BACH1: variants seen among roughly 807,000 people sequenced by gnomAD.
The protein encoded by BACH1 is transcription regulator protein BACH1.
Under a neutral mutation model 52.9 loss-of-function variants are expected in BACH1, and 35 were observed. The ratio of observed to expected loss-of-function variants is 0.66; its 90% CI spans 0.51 to 0.88. The LOEUF (loss-of-function observed/expected upper bound fraction) is 0.88. BACH1 is among the 40% of genes least tolerant of loss of function. The probability of loss-of-function intolerance (pLI) is 0.00; values close to 1 mark genes in which losing one functional copy is unlikely to be tolerated. For missense variants in BACH1, 808 were observed against 872.6 expected (o/e 0.93, Z 0.93); for synonymous variants, 321 against 319.6 (o/e 1.00, Z -0.05).
rs2089166036 is a variant in BACH1, at chr21:29,346,074, C to T, written c.*3241C>T. On this transcript the variant is annotated 3_prime_UTR_variant, in exon 5 of 5. Coordinates refer to ENST00000286800, the MANE Select transcript of BACH1 (RefSeq NM_001186.4). ...CCCTAATGTTCTTACCCAAATGTAC[C>T]TGAACTAAAAAATGTTAGATGTTGG... 6.6e-6 allele frequency: 1 copy of T among 152,332 alleles called. No individual in the cohort carries two copies. Among genetic ancestry groups the T allele is most frequent in the South Asian group, 2.1e-4 (1 of 4,824 alleles). 9.4% of individuals were successfully genotyped at this position (152,332 alleles called of 1,614,324 possible).
chr21:29,314,437 T>A (rs1406648656), intron 1 of BACH1, among the ~76,000 whole-genome samples: 1 of 152,198 alleles, frequency 6.6e-6, no homozygotes, highest in Non-Finnish European at 1.5e-5. Flanking sequence ...GTTTCATAAT[T>A]TCGAATATGG....
chr21:29,329,605 G>A lies in BACH1; in HGVS notation c.1688G>A (p.Arg563Lys), dbSNP rs1307954439. 1.9e-6 allele frequency: 3 copies of A among 1,605,636 alleles called. No homozygotes were observed. Among genetic ancestry groups the A allele is most frequent in the South Asian group, 1.1e-5 (1 of 89,200 alleles). The change falls in exon 4 of 5, where the codon AGA (arginine) becomes AAA (lysine). Residue 563 changes from arginine to lysine, a missense_variant. Coordinates refer to ENST00000286800, the MANE Select transcript of BACH1 (RefSeq NM_001186.4). The part of the protein sequence containing the change: ...EQLDCIHDIR[R>K]RSKNRIAAQR... ...CTGGATTGTATCCATGATATTCGAA[G>A]AAGAAGTAAAAACAGAATTGCTGCA... is the stretch of plus-strand genomic sequence containing the variant.
chr21:29,315,814 A>G (rs928256329), intron 1 of BACH1, among the ~76,000 whole-genome samples: 6 of 152,132 alleles, frequency 3.9e-5, no homozygotes, highest in Admixed American at 3.9e-4. Context: ...TATCTTTTTT[A>G]CTTGAGGCAT....
chr21:29,320,959 T>C (rs989155874), intron 1 of BACH1, among the ~76,000 whole-genome samples: 1 of 152,234 alleles, frequency 6.6e-6, no homozygotes, highest in Non-Finnish European at 1.5e-5. Context: ...CAGTGTGTAA[T>C]GTCTCACTTT....
intron 1 of BACH1, among the ~76,000 whole-genome samples, chr21:29,302,297 T>G (rs1334240697): frequency 6.6e-6 from 1 of 152,196 alleles, no homozygotes; most frequent in Non-Finnish European, 1.5e-5. Flanking sequence ...TTCGCCAGAA[T>G]CCGTGCCCCT....
intron 1 of BACH1, among the ~76,000 whole-genome samples, chr21:29,304,899 A>G (rs943132240): frequency 1.3e-5 from 2 of 152,266 alleles, no homozygotes; most frequent in African/African-American, 4.8e-5. Flanking sequence ...TCCATCAGAC[A>G]GTTTTGTTAT....
At chr21:29,313,889 G>A (rs1271752059) in intron 1 of BACH1, among the ~76,000 whole-genome samples, 1 of 152,120 alleles carries the variant, frequency 6.6e-6, no homozygotes, top group African/African-American at 2.4e-5. Context: ...CTTGGTTGGG[G>A]GGGGTGGTGG....
At chr21:29,300,935 T>G (rs141015903) in intron 1 of BACH1, 9 of 152,362 alleles carry the variant, frequency 5.9e-5, no homozygotes, top group African/African-American at 1.9e-4. Flanking sequence ...TTGTCTTGAT[T>G]ATATGACACC....
At chr21:29,316,832 C>T (rs184516287) in intron 1 of BACH1, among the ~76,000 whole-genome samples, 68 of 152,354 alleles carry the variant, frequency 4.5e-4, no homozygotes, top group African/African-American at 1.6e-3. Context: ...ATGTCTTTGA[C>T]TTCCAGAGGG....
At position 29,329,569 on chromosome 21, in the gene BACH1, C is replaced by A. The variant is rs1438758711; in HGVS notation, c.1652C>A (p.Thr551Asn). ...FQSLLKMHKL[T>N]PEQLDCIHDI... ...TCCTTGTTGAAAATGCACAAGCTTACTCCAGAACAGCTGGATTGTATCCAT... is the reference window on the plus strand; with the variant it reads ...TCCTTGTTGAAAATGCACAAGCTTAATCCAGAACAGCTGGATTGTATCCAT... Residue 551 changes from threonine to asparagine, a missense_variant, in exon 4 of 5, where the codon ACT becomes AAT. Transcript: ENST00000286800. 1.2e-6 allele frequency: 2 copies of A among 1,607,100 alleles called. 1 individual carries two copies. Among genetic ancestry groups the A allele is most frequent in the South Asian group, 2.2e-5 (2 of 89,276 alleles).
At chr21:29,318,146 T>C (rs1488170789) in intron 1 of BACH1, among the ~76,000 whole-genome samples, 1 of 152,208 alleles carries the variant, frequency 6.6e-6, no homozygotes, top group Non-Finnish European at 1.5e-5. Flanking sequence ...GCATAAATAT[T>C]GATATGTGAA....
intron 2 of BACH1, among the ~76,000 whole-genome samples, chr21:29,354,856 G>A (rs1170100738): frequency 6.6e-6 from 1 of 152,176 alleles, no homozygotes; most frequent in Non-Finnish European, 1.5e-5. Context: ...GAGAGGAAAA[G>A]CTTGCCTGAA....
At chr21:29,348,173 G>A (rs1265370882), downstream of BACH1, among the ~76,000 whole-genome samples, 1 of 152,154 alleles carries the variant, frequency 6.6e-6, no homozygotes, top group Non-Finnish European at 1.5e-5. Flanking sequence ...AGTTTTTGAT[G>A]CCTAGGTCCA....
At chr21:29,321,620 G>T in intron 2 of BACH1, 106 bp downstream of exon 2, 1 of 944,284 alleles carries the variant, frequency 1.1e-6, no homozygotes, top group South Asian at 2.0e-5. Flanking sequence ...TGGCTATGGA[G>T]CATTTCCCAG....
chr21:29,359,116 T>C (rs1005220679), intron 2 of BACH1: 3 of 152,084 alleles, frequency 2.0e-5, no homozygotes, highest in African/African-American at 7.2e-5. Flanking sequence ...TATCAAGATG[T>C]CCATCATAGC....
At chr21:29,330,260 G>C (rs2088965068) in intron 4 of BACH1, among the ~76,000 whole-genome samples, 1 of 152,302 alleles carries the variant, frequency 6.6e-6, no homozygotes, top group Non-Finnish European at 1.5e-5. Flanking sequence ...TGCCTGCTGG[G>C]TTCATGCCAT....
intron 1 of BACH1, among the ~76,000 whole-genome samples, chr21:29,320,943 G>GT (rs1347253413): frequency 2.0e-5 from 3 of 152,050 alleles, no homozygotes; most frequent in African/African-American, 7.2e-5. Context: ...AGAGTAGGTG[G>GT]TTACTCAGTG....
rs1005296769 is a variant in BACH1 at position 29,308,030 on chromosome 21, A to G, written c.-61+9077A>G. 7.2e-5 allele frequency among the ~76,000 whole-genome samples: 11 copies of G among 152,342 alleles called. No homozygotes were observed. In the South Asian group the frequency reaches 2.1e-3, roughly 29 times the overall value. ...ATTTAGAAAGACTTGTACTACCAAT[A>G]TAATTTTTGTCTCAGATAAATGCAA... On this transcript the variant is annotated intron_variant, in intron 1 of 4. Transcript: ENST00000286800.
rs2089161337 is a variant in BACH1, at chr21:29,345,637, A to C, written c.*2804A>C. ...GTTTGCTATAGCTTACTGCTTAACT[A>C]ATTTTAAATAAGGAAATAAGTATGT... On this transcript the variant is annotated 3_prime_UTR_variant, in exon 5 of 5. Transcript: ENST00000286800. 6.6e-6 allele frequency: 1 copy of C among 152,602 alleles called. No individual in the cohort carries two copies. Among genetic ancestry groups the C allele is most frequent in the South Asian group, 2.1e-4 (1 of 4,832 alleles). The allele number at this position is 152,602 out of a possible 1,614,324, so 9.5% of individuals were successfully genotyped here. A position where few individuals can be genotyped will look rare whatever the true frequency, so the allele number is the denominator to read the frequency against.
Sources: gnomAD v4.1 joint callset for allele counts (sites outside exome capture counted in the v4.1 genomes callset) on GRCh38, gnomAD v4.1.1 for gene constraint, MANE v1.5 for transcripts, NCBI Gene and HGNC (gene_info 2026-07-23, HGNC 2026-07-21) for gene names.